HPS3: variants seen among roughly 807,000 people sequenced by gnomAD.
HPS3 encodes HPS3 biogenesis of lysosomal organelles complex 2 subunit 1.
A neutral mutation model predicts 110.9 loss-of-function variants in HPS3; 79 were observed. The observed-to-expected ratio is 0.71, with a 90% CI of 0.59 to 0.86. HPS3 has a LOEUF of 0.86. Among genes scored for constraint, HPS3 ranks in the 40% least tolerant of loss-of-function variants. The pLI is 0.00. For missense variants in HPS3, 1,197 were observed against 1,206.2 expected, an observed-to-expected ratio of 0.99 and a Z score of 0.11; for synonymous variants, 428 against 451.0, an observed-to-expected ratio of 0.95 and a Z score of 0.65.
intron 1 of HPS3, among the ~76,000 whole-genome samples, chr3:149,138,752 C>G (rs1274496537): frequency 1.3e-5 from 2 of 152,116 alleles, no homozygotes; most frequent in African/African-American, 4.8e-5. Flanking sequence ...GGACATCATG[C>G]AGAAGAGAAA....
At chr3:149,158,914 G>A in intron 10 of HPS3, 68 bp downstream of exon 10, 1 of 1,113,838 alleles carries the variant, frequency 9.0e-7, no homozygotes, top group East Asian at 2.6e-5. Flanking sequence ...ATTTTATGTA[G>A]TACTGTTTAG....
Position 149,157,407 on chromosome 3 carries a change from A to G in HPS3, c.1567A>G (p.Ser523Gly). 1 of 1,613,524 alleles carries G rather than the reference A, an allele frequency of 6.2e-7. No homozygotes were observed. Among genetic ancestry groups the G allele is most frequent in the East Asian group, 2.2e-5 (1 of 44,886 alleles). ...VKTQSCIHLLSEAHLLVRAAL... is the reference protein window; with the variant it reads ...VKTQSCIHLLGEAHLLVRAAL... ...AACCCAGAGCTGCATTCACCTTCTC[A>G]GTGAGGCTCATCTGTTAGTGCGAGC... The change falls in exon 9 of 17, where the codon AGT becomes GGT. Residue 523 changes from serine to glycine, a missense_variant. Transcript: ENST00000296051.
chr3:149,147,064 C>G (rs1850891), intron 5 of HPS3, among the ~76,000 whole-genome samples: 41,824 of 151,876 alleles, frequency 0.28, 6,417 homozygotes, highest in African/African-American at 0.43. Context: ...AGGGAGGATG[C>G]ATGGGAGAGG....
chr3:149,157,739 T>C (rs535668660), intron 9 of HPS3, among the ~76,000 whole-genome samples: 1 of 152,358 alleles, frequency 6.6e-6, no homozygotes, highest in Non-Finnish European at 1.5e-5. Flanking sequence ...TTTCCTGCTC[T>C]CAAGGAGTCA....
intron 8 of HPS3, 83 bp downstream of exon 8, chr3:149,155,298 A>T: frequency 1.2e-6 from 1 of 857,490 alleles, no homozygotes; most frequent in Non-Finnish European, 2.0e-6. Context: ...ATTATCATAC[A>T]TTCAGGATGC....
rs551759358 is a variant in HPS3, at chr3:149,140,246, A to G, written c.460A>G (p.Asn154Asp). The part of the protein sequence containing the change: ...VKGDLLVGCT[N>D]KLVLFSLKYQ... ...AGGAGACCTTCTCGTTGGCTGCACA[A>G]ATAAATTAGTCTTATTTAGTTTGAA... The change falls in exon 2 of 17, where the codon AAT becomes GAT. Residue 154 changes from asparagine (N) to aspartate (D), a missense_variant. Coordinates refer to ENST00000296051, the MANE Select transcript of HPS3 (RefSeq NM_032383.5). The G allele has an allele frequency of 5.0e-6, 8 of 1,614,218 alleles. No individual in the cohort carries two copies. The African/African-American group carries it at 9.3e-5, about 19-fold the overall frequency.
rs1721611146 is a variant in HPS3, at chr3:149,129,649, T to C, written c.-75T>C. On this transcript the variant is annotated 5_prime_UTR_variant, in exon 1 of 17. Transcript: ENST00000296051. ...ATTGGCTCGCTCGCGGAAGTAGTCC[T>C]ACATTCGCGGTCAGCGCGGGGTCTC... 3.4e-6 allele frequency: 4 copies of C among 1,180,604 alleles called. No homozygotes were observed. Among genetic ancestry groups the C allele is most frequent in the Non-Finnish European group, 4.6e-6 (4 of 870,228 alleles). 73.1% of individuals were successfully genotyped at this position (1,180,604 alleles called of 1,614,324 possible).
At position 149,173,721 on chromosome 3, in the gene HPS3, G is replaced by A; in HGVS notation, c.*1499G>A. Reference sequence around the variant, plus strand: ...ATCACCAATTTATTTCATTCAGCCAGATTTGGTGTCTATAGAAAAAGAAAT... The same window carrying A: ...ATCACCAATTTATTTCATTCAGCCAAATTTGGTGTCTATAGAAAAAGAAAT... On this transcript the variant is annotated 3_prime_UTR_variant, in exon 17 of 17. Coordinates refer to ENST00000296051, the MANE Select transcript of HPS3 (RefSeq NM_032383.5). The A allele has an allele frequency of 6.9e-7, 1 of 1,447,262 alleles. No homozygotes were observed. The highest frequency in any genetic ancestry group is 9.5e-7 in the Non-Finnish European group (1 of 1,047,670). The allele number at this position is 1,447,262 out of a possible 1,614,324, so 89.7% of individuals were successfully genotyped here.
chr3:149,131,064 C>T (rs1721735578), intron 1 of HPS3, among the ~76,000 whole-genome samples: 1 of 151,338 alleles, frequency 6.6e-6, no homozygotes, highest in Non-Finnish European at 1.5e-5. Flanking sequence ...CTCTCTAATC[C>T]CTACCCCGCA....
rs145586365 is a variant in HPS3 at position 149,157,426 on chromosome 3, T to G, written c.1586T>G (p.Val529Gly). The G allele has an allele frequency of 1.9e-6, 3 of 1,613,806 alleles. No homozygotes were observed. The highest frequency in any genetic ancestry group is 1.7e-6 in the Non-Finnish European group (2 of 1,179,892). The change falls in exon 9 of 17, where the codon GTG (valine) becomes GGG (glycine). Residue 529 changes from valine to glycine, a missense_variant. Transcript: ENST00000296051. ...IHLLSEAHLL[V>G]RAALMDASQL... ...CTTCTCAGTGAGGCTCATCTGTTAG[T>G]GCGAGCTGCCCTGATGGATGCCAGT... is the stretch of plus-strand genomic sequence containing the variant.
chr3:149,146,743 G>A (rs113069155), intron 5 of HPS3, among the ~76,000 whole-genome samples: 3,332 of 152,316 alleles, frequency 0.022, 72 homozygotes, highest in African/African-American at 0.058. Flanking sequence ...AGTGAACAAT[G>A]TGGAGGTAGC....
intron 12 of HPS3, 123 bp downstream of exon 12, chr3:149,162,456 C>A: frequency 1.0e-6 from 1 of 960,940 alleles, no homozygotes; most frequent in Non-Finnish European, 1.6e-6. Context: ...CATACATAAT[C>A]AGTTTATAAG....
At chr3:149,154,941 G>C (rs1279689155) in intron 7 of HPS3, among the ~76,000 whole-genome samples, 166 bp from the exon 8 acceptor site, 2 of 152,162 alleles carry the variant, frequency 1.3e-5, no homozygotes, top group African/African-American at 4.8e-5. Context: ...AGCCTATGTA[G>C]TATTGTGAAC....
chr3:149,157,155 CT>C (rs891883580), intron 8 of HPS3, among the ~76,000 whole-genome samples, 194 bp from the exon 9 acceptor site: 1 of 152,160 alleles, frequency 6.6e-6, no homozygotes, highest in African/African-American at 2.4e-5. Context: ...ATGTATTAAA[CT>C]GGCTCATAGA....
chr3:149,132,085 A>G (rs542477463), intron 1 of HPS3, among the ~76,000 whole-genome samples: 1 of 152,236 alleles, frequency 6.6e-6, no homozygotes, highest in African/African-American at 2.4e-5. Flanking sequence ...TGTCTCCATA[A>G]TATAAAAGTG....
chr3:149,149,263 G>A (rs377363851), intron 5 of HPS3, among the ~76,000 whole-genome samples: 1 of 151,722 alleles, frequency 6.6e-6, no homozygotes, highest in African/African-American at 2.4e-5. Flanking sequence ...ACGCCTGGCC[G>A]AAACCCTGCC....
intron 5 of HPS3, 62 bp from the exon 6 acceptor site, chr3:149,150,537 C>CT: frequency 7.4e-7 from 1 of 1,347,734 alleles, no homozygotes; most frequent in Non-Finnish European, 1.1e-6. Context: ...GAAACCCTCC[C>CT]TGCTGTGGGT....
rs569731588 is a variant in HPS3 at position 149,140,593 on chromosome 3, C to T, written c.712+95C>T. Reference sequence around the variant, plus strand: ...GGTCTGTGGTATATATGGTGCCCGGCCATGTTATTTATAGATTTAGTTATT... The same window carrying T: ...GGTCTGTGGTATATATGGTGCCCGGTCATGTTATTTATAGATTTAGTTATT... On this transcript the variant is annotated intron_variant, in intron 2 of 16. Coordinates refer to ENST00000296051, the MANE Select transcript of HPS3 (RefSeq NM_032383.5). 8.0e-5 allele frequency: 105 copies of T among 1,317,170 alleles called. 2 individuals carry two copies. The South Asian group carries it at 1.2e-3, about 14-fold the overall frequency. The allele number at this position is 1,317,170 out of a possible 1,614,324, so 81.6% of individuals were successfully genotyped here. A position where few individuals can be genotyped will look rare whatever the true frequency, so the allele number is the denominator to read the frequency against.
intron 1 of HPS3, among the ~76,000 whole-genome samples, chr3:149,133,404 A>G (rs1317481747): frequency 1.3e-5 from 2 of 152,004 alleles, no homozygotes; most frequent in Non-Finnish European, 2.9e-5. Context: ...GGTTTAAGCA[A>G]TTCCCAGCCT....
Sources: gnomAD v4.1 joint callset for allele counts (sites outside exome capture counted in the v4.1 genomes callset) on GRCh38, gnomAD v4.1.1 for gene constraint, MANE v1.5 for transcripts, NCBI Gene and HGNC (gene_info 2026-07-23, HGNC 2026-07-21) for gene names.